The following GALNTL6 variants were observed in gnomAD, a reference collection of about 807,000 sequenced individuals.
The protein encoded by GALNTL6 is polypeptide N-acetylgalactosaminyltransferase like 6.
A neutral mutation model predicts 73.7 loss-of-function variants in GALNTL6; 46 were observed. The ratio of observed to expected loss-of-function variants is 0.62; its 90% CI spans 0.49 to 0.80. The LOEUF is 0.80. Ranked by LOEUF, GALNTL6 falls within the 30% of genes least tolerant of loss-of-function variation. The pLI, the probability that GALNTL6 is intolerant of heterozygous loss-of-function variation, is 0.00. For synonymous variants in GALNTL6, 259 were observed against 263.7 expected, an observed-to-expected ratio of 0.98 and a Z score of 0.17; for missense variants, 604 against 755.0, an observed-to-expected ratio of 0.80 and a Z score of 2.34.
chr4:173,004,131 C>T (rs1752169637), intron 10 of GALNTL6, among the ~76,000 whole-genome samples: 2 of 151,536 alleles, frequency 1.3e-5, no homozygotes, highest in African/African-American at 4.9e-5. Context: ...GCTGTGTGAG[C>T]TGTGAACACG....
intron 2 of GALNTL6, among the ~76,000 whole-genome samples, chr4:172,129,524 C>G (rs1733397739): frequency 6.6e-6 from 1 of 152,082 alleles, no homozygotes; most frequent in Admixed American, 6.6e-5. Flanking sequence ...GGCGTTTATT[C>G]CTTTCAGAAC....
At chr4:171,830,262 C>A (rs1210848342) in intron 2 of GALNTL6, among the ~76,000 whole-genome samples, 1 of 152,108 alleles carries the variant, frequency 6.6e-6, no homozygotes, top group Non-Finnish European at 1.5e-5. Context: ...TTCTGGTCTC[C>A]TGAACTGTGG....
chr4:172,367,207 G>A (rs568837977), intron 5 of GALNTL6, among the ~76,000 whole-genome samples: 11 of 152,230 alleles, frequency 7.2e-5, no homozygotes, highest in African/African-American at 2.4e-4. Flanking sequence ...TTTTGATCTC[G>A]TTGGCATTTG....
At chr4:171,891,884 G>A (rs573359811) in intron 2 of GALNTL6, among the ~76,000 whole-genome samples, 1 of 152,208 alleles carries the variant, frequency 6.6e-6, no homozygotes, top group East Asian at 1.9e-4. Context: ...AAATTTTACT[G>A]AACATCCTAT....
intron 2 of GALNTL6, among the ~76,000 whole-genome samples, chr4:172,168,618 C>T (rs1038132472): frequency 6.6e-6 from 1 of 150,492 alleles, no homozygotes; most frequent in African/African-American, 2.4e-5. Context: ...GTAACAATGG[C>T]GATGCTGGTG....
At chr4:172,690,904 C>A (rs1733241122) in intron 5 of GALNTL6, among the ~76,000 whole-genome samples, 1 of 152,026 alleles carries the variant, frequency 6.6e-6, no homozygotes, top group African/African-American at 2.4e-5. Flanking sequence ...TGGTGCATAT[C>A]AGAACTCTAA....
At chr4:172,590,330 A>G (rs1225378486) in intron 5 of GALNTL6, among the ~76,000 whole-genome samples, 2 of 152,082 alleles carry the variant, frequency 1.3e-5, no homozygotes, top group Admixed American at 1.3e-4. Flanking sequence ...AACTGGGGGA[A>G]CCTCAGGAAA....
At chr4:172,716,955 AT>A (rs1735142483) in intron 5 of GALNTL6, among the ~76,000 whole-genome samples, 2 of 152,190 alleles carry the variant, frequency 1.3e-5, no homozygotes, top group African/African-American at 4.8e-5. Context: ...TGGCTGATAA[AT>A]ATCTGTTGAT....
intron 2 of GALNTL6, among the ~76,000 whole-genome samples, chr4:172,107,603 A>G (rs1387958479): frequency 6.9e-6 from 1 of 145,706 alleles, no homozygotes; most frequent in Non-Finnish European, 1.5e-5. Flanking sequence ...GCATGTTCTC[A>G]CTCATAGGTG....
In GALNTL6 at chr4:172,685,052, T is replaced by C. The variant is rs2111240988; in HGVS notation, c.554-124309T>C. 2.6e-5 allele frequency among the ~76,000 whole-genome samples: 4 copies of C among 152,336 alleles called. No individual in the cohort carries two copies. The Middle Eastern group carries it at 0.014, about 518-fold the overall frequency. On this transcript the variant is annotated intron_variant, in intron 5 of 12. Coordinates refer to ENST00000506823, the MANE Select transcript of GALNTL6 (RefSeq NM_001034845.3). ...TACCTACAGCATTTAAGATATGGCC[T>C]TGCACATATTAAGCATTCTATTACT... is the stretch of plus-strand genomic sequence containing the variant.
At chr4:172,844,052 C>T (rs1489086148) in intron 7 of GALNTL6, among the ~76,000 whole-genome samples, 1 of 152,040 alleles carries the variant, frequency 6.6e-6, no homozygotes, top group Non-Finnish European at 1.5e-5. Flanking sequence ...AAGTGAGACT[C>T]CGTCTTGAAA....
intron 5 of GALNTL6, among the ~76,000 whole-genome samples, chr4:172,713,267 T>TGTGTGTGTGTGTGTGTGTGTG (rs1553976791): frequency 6.9e-6 from 1 of 145,090 alleles, no homozygotes; most frequent in African/African-American, 2.6e-5. Flanking sequence ...TGTGTGTGTG[T>TGTGTGTGTGTGTGTGTGTGTG]TTAGAGAGAA....
intron 10 of GALNTL6, among the ~76,000 whole-genome samples, chr4:172,977,351 T>A (rs1750862711): frequency 6.6e-6 from 1 of 152,192 alleles, no homozygotes. Flanking sequence ...AATTTACTTC[T>A]CAGTCACCTT....
At chr4:172,824,072 T>C (rs528860805) in intron 7 of GALNTL6, among the ~76,000 whole-genome samples, 1 of 152,268 alleles carries the variant, frequency 6.6e-6, no homozygotes, top group South Asian at 2.1e-4. Flanking sequence ...ATCTTAGAAC[T>C]CATATGTGTA....
intron 5 of GALNTL6, among the ~76,000 whole-genome samples, chr4:172,684,560 TAA>T (rs1364753686): frequency 1.3e-5 from 2 of 152,166 alleles, no homozygotes; most frequent in Non-Finnish European, 2.9e-5. Context: ...AATGGGTCTA[TAA>T]GAGAGAGAAA....
At position 172,390,450 on chromosome 4, in the gene GALNTL6, G is replaced by A. The variant is rs903202509; in HGVS notation, c.553+41761G>A. Among the ~76,000 whole-genome samples, 4 of 152,200 alleles carry A rather than the reference G, an allele frequency of 2.6e-5. No individual in the cohort carries two copies. In the South Asian group the frequency reaches 6.2e-4, roughly 24 times the overall value. On this transcript the variant is annotated intron_variant, in intron 5 of 12. Transcript: ENST00000506823. The stretch of plus-strand genomic sequence containing the variant: ...AATTTCAGAAATAAACAATTGATAA[G>A]TTTTAAATTATGTACCACTCTGAGT...
intron 5 of GALNTL6, among the ~76,000 whole-genome samples, chr4:172,442,890 A>T (rs994614268): frequency 1.3e-5 from 2 of 151,974 alleles, no homozygotes; most frequent in African/African-American, 4.8e-5. Context: ...ATTAAAGCAA[A>T]TAGAGATGAT....
At chr4:172,277,268 A>G (rs934810571) in intron 3 of GALNTL6, among the ~76,000 whole-genome samples, 31 of 152,108 alleles carry the variant, frequency 2.0e-4, no homozygotes, top group Admixed American at 1.8e-3. Context: ...AAATGCAAAA[A>G]AAAAAATACT....
At chr4:172,181,344 A>G (rs1180580291) in intron 2 of GALNTL6, among the ~76,000 whole-genome samples, 3 of 152,218 alleles carry the variant, frequency 2.0e-5, no homozygotes, top group Admixed American at 6.5e-5. Flanking sequence ...AATCCATCAC[A>G]TAAACAGAAC....
Sources: allele counts gnomAD v4.1 joint callset (sites outside exome capture counted in the v4.1 genomes callset), GRCh38; gene constraint gnomAD v4.1.1; transcripts MANE v1.5; gene names NCBI Gene and HGNC (gene_info 2026-07-23, HGNC 2026-07-21).